Variants in AP3B1 observed in about 807,000 individuals in gnomAD.
The protein encoded by AP3B1 is AP-3 complex subunit beta-1.
In AP3B1, 61 loss-of-function variants were observed where a neutral mutation model predicts 132.5. That is an observed-to-expected ratio of 0.46 (90% CI 0.37 to 0.57). The LOEUF is 0.57. Ranked by LOEUF, AP3B1 falls within the 20% of genes least tolerant of loss-of-function variation. The pLI is 0.00. For missense variants in AP3B1, 1,120 were observed against 1,289.4 expected (o/e 0.87, Z 2.01); for synonymous variants, 388 against 438.3 (o/e 0.89, Z 1.43).
intron 21 of AP3B1, among the ~76,000 whole-genome samples, chr5:78,091,037 T>C (rs1750488024): frequency 6.6e-6 from 1 of 152,012 alleles, no homozygotes; most frequent in African/African-American, 2.4e-5. Flanking sequence ...TCTTCCTACC[T>C]TGGCCTCCCA....
downstream of AP3B1, chr5:78,001,461 AT>A (rs140194013): frequency 1.3e-3 from 200 of 152,340 alleles, no homozygotes; most frequent in African/African-American, 4.6e-3. Context: ...ATGGTACGGA[AT>A]TGGCACAAAA....
chr5:78,114,717 A>G (rs772141965), intron 18 of AP3B1, among the ~76,000 whole-genome samples: 3 of 152,224 alleles, frequency 2.0e-5, no homozygotes, highest in Non-Finnish European at 4.4e-5. Context: ...CCTCTTAGGC[A>G]GGAACATAAC....
intron 6 of AP3B1, among the ~76,000 whole-genome samples, chr5:78,219,858 A>G (rs988345701): frequency 6.6e-6 from 1 of 152,180 alleles, no homozygotes; most frequent in Middle Eastern, 3.2e-3. Context: ...TTAATAGATC[A>G]ACATCTTTCA....
intron 15 of AP3B1, among the ~76,000 whole-genome samples, chr5:78,135,531 C>T (rs552896682): frequency 1.8e-4 from 27 of 146,218 alleles, no homozygotes; most frequent in Admixed American, 7.2e-4. Flanking sequence ...TAGTTCTATA[C>T]ATCTTACATT....
At chr5:78,105,511 G>A (rs1455336479) in intron 20 of AP3B1, among the ~76,000 whole-genome samples, 4 of 152,058 alleles carry the variant, frequency 2.6e-5, no homozygotes, top group African/African-American at 9.7e-5. Context: ...CTGACACAAT[G>A]TGGTCTACAT....
chr5:78,250,933 G>T (rs1747604613), intron 2 of AP3B1, among the ~76,000 whole-genome samples: 1 of 152,132 alleles, frequency 6.6e-6, no homozygotes, highest in South Asian at 2.1e-4. Flanking sequence ...GACAGGAAAG[G>T]TTAGAGAGGT....
intron 1 of AP3B1, among the ~76,000 whole-genome samples, chr5:78,291,030 A>G (rs1749490727): frequency 6.6e-6 from 1 of 152,196 alleles, no homozygotes; most frequent in African/African-American, 2.4e-5. Flanking sequence ...CAATAATCTA[A>G]TACACAGGCC....
intron 17 of AP3B1, among the ~76,000 whole-genome samples, chr5:78,117,201 C>T (rs1378440640): frequency 2.1e-5 from 3 of 146,176 alleles, no homozygotes; most frequent in Non-Finnish European, 4.5e-5. Flanking sequence ...TTAATCACAG[C>T]ATGTATTACT....
intron 22 of AP3B1, 189 bp downstream of exon 22, chr5:78,089,203 GA>G (rs1561397851): frequency 1.7e-5 from 9 of 534,428 alleles, no homozygotes; most frequent in East Asian, 3.4e-5. Context: ...GACAACAAGG[GA>G]AAAAAATTGA....
intron 26 of AP3B1, among the ~76,000 whole-genome samples, chr5:78,003,663 T>A (rs1746275169): frequency 6.6e-6 from 1 of 152,220 alleles, no homozygotes; most frequent in Non-Finnish European, 1.5e-5. Flanking sequence ...CTTCCCTTTT[T>A]CTTTGTTTTG....
intron 22 of AP3B1, among the ~76,000 whole-genome samples, chr5:78,078,565 G>A (rs559562574): frequency 1.6e-4 from 24 of 152,214 alleles, no homozygotes; most frequent in Admixed American, 3.3e-4. Context: ...GCCATTCCCT[G>A]GGCTGAAATA....
At chr5:78,268,692 ACAAG>A (rs1748431594) in intron 1 of AP3B1, among the ~76,000 whole-genome samples, 1 of 152,186 alleles carries the variant, frequency 6.6e-6, no homozygotes, top group African/African-American at 2.4e-5. Context: ...AGTGCCCAGA[ACAAG>A]CACCTGCTCT....
chr5:78,260,351 C>T (rs1748034382), intron 2 of AP3B1, among the ~76,000 whole-genome samples: 1 of 152,038 alleles, frequency 6.6e-6, no homozygotes, highest in Non-Finnish European at 1.5e-5. Flanking sequence ...CTTTGGGAGG[C>T]CGAGGAGGGC....
intron 7 of AP3B1, among the ~76,000 whole-genome samples, chr5:78,185,596 G>A (rs529541767): frequency 6.6e-6 from 1 of 152,248 alleles, no homozygotes; most frequent in African/African-American, 2.4e-5. Flanking sequence ...AGATATATTC[G>A]TGCTTTGGTA....
At chr5:78,227,293 G>A (rs1216950358) in intron 5 of AP3B1, 79 bp downstream of exon 5, 7 of 1,416,258 alleles carry the variant, frequency 4.9e-6, no homozygotes, top group African/African-American at 2.8e-5. Flanking sequence ...CTAAAAGAGC[G>A]AATAAAACAA....
chr5:78,148,131 A>G (rs1026018384), intron 14 of AP3B1, among the ~76,000 whole-genome samples: 17 of 152,156 alleles, frequency 1.1e-4, no homozygotes, highest in Non-Finnish European at 5.9e-5. Flanking sequence ...CAAATAGAAG[A>G]AAGTTTTCTT....
At chr5:78,033,568 A>G in intron 24 of AP3B1, among the ~76,000 whole-genome samples, 1 of 152,150 alleles carries the variant, frequency 6.6e-6, no homozygotes, top group East Asian at 1.9e-4. Context: ...GCTAGCTAAA[A>G]TGTAGGTAAA....
intron 11 of AP3B1, among the ~76,000 whole-genome samples, chr5:78,173,361 A>G (rs1408519478): frequency 6.6e-6 from 1 of 152,148 alleles, no homozygotes; most frequent in Non-Finnish European, 1.5e-5. Flanking sequence ...GTGGGGTGTT[A>G]AAGTCTCCCA....
At chr5:78,019,219 A>G (rs1481966212) in intron 25 of AP3B1, among the ~76,000 whole-genome samples, 1 of 152,160 alleles carries the variant, frequency 6.6e-6, no homozygotes, top group African/African-American at 2.4e-5. Context: ...GACCACAGCT[A>G]TTCTCCAAGT....
Sources: allele counts gnomAD v4.1 joint callset (sites outside exome capture counted in the v4.1 genomes callset), GRCh38; gene constraint gnomAD v4.1.1; transcripts MANE v1.5; gene names NCBI Gene and HGNC (gene_info 2026-07-23, HGNC 2026-07-21).